Variants in MROH9 observed in about 807,000 individuals in gnomAD.
The protein encoded by MROH9 is maestro heat like repeat family member 9, also known as maestro heat-like repeat-containing protein family member 9.
In MROH9, 92 loss-of-function variants were observed where a neutral mutation model predicts 98.2. The observed-to-expected ratio is 0.94, with a 90% CI of 0.79 to 1.11. The LOEUF is 1.11. Among genes scored for constraint, MROH9 ranks in the 50% most tolerant of loss-of-function variants. The pLI is 0.00. For missense variants in MROH9, 1,057 were observed against 1,014.8 expected, an observed-to-expected ratio of 1.04 and a Z score of -0.57; for synonymous variants, 397 against 368.9, an observed-to-expected ratio of 1.08 and a Z score of -0.87.
intron 8 of MROH9, among the ~76,000 whole-genome samples, chr1:170,974,684 GA>G (rs1297942859): frequency 6.6e-6 from 1 of 151,826 alleles, no homozygotes; most frequent in Admixed American, 6.6e-5. Context: ...TTTAGAAAAG[GA>G]AATTATACCA....
chr1:170,953,316 TC>T (rs1194371324), intron 3 of MROH9, among the ~76,000 whole-genome samples: 3 of 152,106 alleles, frequency 2.0e-5, no homozygotes, highest in African/African-American at 7.2e-5. Flanking sequence ...CTTAACGGTA[TC>T]TTTTGAAGAG....
chr1:170,950,058 C>T lies in MROH9; in HGVS notation c.72+2485C>T, dbSNP rs575107166. ...CAACAGCCCTGTGGGGTAAGTACTA[C>T]CTTGAAAATGGGGAAACAGAGGCAG... On this transcript the variant is annotated intron_variant, in intron 3 of 21. Transcript: ENST00000367759. Among the ~76,000 whole-genome samples, 259 of 152,056 alleles carry T rather than the reference C, an allele frequency of 1.7e-3. 2 individuals carry two copies. In the South Asian group the frequency reaches 0.026, roughly 15 times the overall value.
chr1:171,038,927 C>T (rs1293578614), intron 20 of MROH9, among the ~76,000 whole-genome samples: 3 of 151,590 alleles, frequency 2.0e-5, no homozygotes, highest in African/African-American at 7.3e-5. Flanking sequence ...TCCAGTTATT[C>T]ATGAAGAAAA....
chr1:170,958,511 T>A lies in MROH9; in HGVS notation c.123T>A (p.Asn41Lys). 1 of 1,595,662 alleles carries A rather than the reference T, an allele frequency of 6.3e-7. No homozygotes were observed. Among genetic ancestry groups the A allele is most frequent in the African/African-American group, 1.3e-5 (1 of 74,652 alleles). Residue 41 changes from asparagine to lysine, a missense_variant, in exon 4 of 22, where the codon AAT (asparagine) becomes AAA (lysine). Asn to Lys is a moderately conservative substitution (Grantham distance 94). Coordinates refer to ENST00000367759, the MANE Select transcript of MROH9 (RefSeq NM_001163629.2). Reference protein sequence around the residue: ...LLDAYSGLLSNESMILAVNSS... With the variant: ...LLDAYSGLLSKESMILAVNSS... ...ATGCATACTCAGGCCTGTTAAGTAA[T>A]GAATCCATGATCCTGGCTGTGAACT...
intron 20 of MROH9, among the ~76,000 whole-genome samples, chr1:171,054,207 T>C (rs1368104589): frequency 6.6e-6 from 1 of 152,126 alleles, no homozygotes; most frequent in Non-Finnish European, 1.5e-5. Flanking sequence ...TGAAGCAGAA[T>C]AGAGAACCCA....
At chr1:171,035,513 A>G (rs575977837) in intron 20 of MROH9, among the ~76,000 whole-genome samples, 30 of 152,028 alleles carry the variant, frequency 2.0e-4, no homozygotes, top group Non-Finnish European at 4.0e-4. Flanking sequence ...ACCAAATGGA[A>G]GAAGATATTT....
intron 15 of MROH9, among the ~76,000 whole-genome samples, chr1:171,003,752 T>C (rs949514741): frequency 6.6e-6 from 1 of 152,152 alleles, no homozygotes; most frequent in African/African-American, 2.4e-5. Flanking sequence ...CCAGAAATCA[T>C]CAGCTGTAGT....
At position 170,986,662 on chromosome 1, in the gene MROH9, A is replaced by C; in HGVS notation, c.831A>C (p.Ala277=). 1 of 1,613,950 alleles carries C rather than the reference A, an allele frequency of 6.2e-7. No homozygotes were observed. The highest frequency in any genetic ancestry group is 8.5e-7 in the Non-Finnish European group (1 of 1,179,900). ...SPDDKIASDA[A]SILIFTLEFH... ...ATGATAAAATCGCATCTGATGCAGC[A>C]TCCATACTGATATTTACTCTGGAAT... The change falls in exon 10 of 22, where the codon GCA becomes GCC. Residue 277 remains alanine, a synonymous_variant. Transcript: ENST00000367759.
intron 20 of MROH9, among the ~76,000 whole-genome samples, chr1:171,047,199 T>C (rs1348012919): frequency 6.6e-6 from 1 of 152,224 alleles, no homozygotes; most frequent in African/African-American, 2.4e-5. Context: ...TACTTGGATA[T>C]AGATATCTTT....
intron 15 of MROH9, among the ~76,000 whole-genome samples, chr1:171,002,608 T>A (rs1651817660): frequency 6.6e-6 from 1 of 152,240 alleles, no homozygotes; most frequent in African/African-American, 2.4e-5. Context: ...GTAGGGTTTA[T>A]GCCGAGAAGT....
intron 1 of MROH9, among the ~76,000 whole-genome samples, chr1:170,940,797 C>T (rs61815201): frequency 0.097 from 14,735 of 152,190 alleles, 1,139 homozygotes; most frequent in African/African-American, 0.21. Flanking sequence ...ATGGCACTAA[C>T]CTCTGCAATC....
At chr1:170,962,212 C>T (rs1650040523) in intron 6 of MROH9, among the ~76,000 whole-genome samples, 1 of 152,088 alleles carries the variant, frequency 6.6e-6, no homozygotes, top group Non-Finnish European at 1.5e-5. Context: ...GAAACCAGGT[C>T]TCATGTGGTG....
chr1:171,024,762 T>A lies in MROH9; in HGVS notation c.2175T>A (p.Asn725Lys). The A allele has an allele frequency of 6.6e-7, 1 of 1,525,482 alleles. No homozygotes were observed. Among genetic ancestry groups the A allele is most frequent in the Non-Finnish European group, 8.9e-7 (1 of 1,124,182 alleles). The allele number at this position is 1,525,482 out of a possible 1,614,324, so 94.5% of individuals were successfully genotyped here. A position where few individuals can be genotyped will look rare whatever the true frequency, so the allele number is the denominator to read the frequency against. The change falls in exon 19 of 22, where the codon AAT becomes AAA. Residue 725 changes from asparagine (N) to lysine (K), a missense_variant. Coordinates refer to ENST00000367759, the MANE Select transcript of MROH9 (RefSeq NM_001163629.2). ...FEMVVLNICN[N>K]LIISHRNYIT... is the part of the protein sequence containing the mutation. ...TGGTGGTGCTCAATATCTGTAACAA[T>A]CTTGTAAGTGGCCCTTCCATTTTTA...
chr1:170,998,048 T>A, intron 14 of MROH9, 106 bp from the exon 15 acceptor site: 1 of 818,324 alleles, frequency 1.2e-6, no homozygotes, highest in Non-Finnish European at 1.9e-6. Context: ...TTAAAGAATA[T>A]CTTTCATCTG....
At chr1:171,045,817 A>T (rs1394747242) in intron 20 of MROH9, among the ~76,000 whole-genome samples, 2 of 152,158 alleles carry the variant, frequency 1.3e-5, no homozygotes, top group Non-Finnish European at 2.9e-5. Flanking sequence ...CATTTCATGT[A>T]TAGTGCAGAT....
intron 20 of MROH9, among the ~76,000 whole-genome samples, chr1:171,027,613 C>T (rs1197472001): frequency 1.3e-5 from 2 of 152,172 alleles, no homozygotes; most frequent in African/African-American, 2.4e-5. Context: ...GGTCCTAGAT[C>T]CTTGAGGAAT....
intron 1 of MROH9, 41 bp downstream of exon 1, chr1:170,935,628 T>C (rs1465277853): frequency 1.3e-5 from 2 of 152,258 alleles, no homozygotes; most frequent in East Asian, 1.9e-4. Context: ...TTCAAAAGCT[T>C]GTCTTTTTTT....
At chr1:171,038,240 CA>C (rs201551315) in intron 20 of MROH9, among the ~76,000 whole-genome samples, 1 of 150,372 alleles carries the variant, frequency 6.7e-6, no homozygotes, top group Non-Finnish European at 1.5e-5. Context: ...AAGTACACAC[CA>C]AAAAAAAATC....
intron 15 of MROH9, chr1:170,998,801 C>A (rs2101817172): frequency 1.1e-6 from 1 of 928,132 alleles, no homozygotes; most frequent in Non-Finnish European, 1.3e-6. Flanking sequence ...GCTTTATAAC[C>A]TGAAATTATC....
Sources: gnomAD v4.1 joint callset for allele counts (sites outside exome capture counted in the v4.1 genomes callset) on GRCh38, gnomAD v4.1.1 for gene constraint, MANE v1.5 for transcripts, NCBI Gene and HGNC (gene_info 2026-07-23, HGNC 2026-07-21) for gene names.